The following CNTNAP4 variants were observed in gnomAD, a reference collection of about 807,000 sequenced individuals.
CNTNAP4 encodes the protein contactin associated protein family member 4, also known as contactin-associated protein-like 4.
In CNTNAP4, 98 loss-of-function variants were observed where a neutral mutation model predicts 148.4. The ratio of observed to expected loss-of-function variants is 0.66; its 90% CI spans 0.56 to 0.78. The LOEUF is 0.78. Among genes scored for constraint, CNTNAP4 ranks in the 30% least tolerant of loss-of-function variants. The probability of loss-of-function intolerance (pLI) is 0.00; values close to 1 mark genes in which losing one functional copy is unlikely to be tolerated. For missense variants in CNTNAP4, 1,935 were observed against 1,565.6 expected, an observed-to-expected ratio of 1.24 and a Z score of -3.98; for synonymous variants, 730 against 565.1, an observed-to-expected ratio of 1.29 and a Z score of -4.14.
At chr16:76,376,891 A>G (rs1301264393) in intron 3 of CNTNAP4, among the ~76,000 whole-genome samples, 2 of 151,058 alleles carry the variant, frequency 1.3e-5, no homozygotes, top group Non-Finnish European at 2.9e-5. Context: ...CTCCAGAGAA[A>G]CAAAACTAAC....
At chr16:76,433,192 A>C (rs1445855920) in intron 4 of CNTNAP4, among the ~76,000 whole-genome samples, 2 of 152,108 alleles carry the variant, frequency 1.3e-5, no homozygotes, top group Non-Finnish European at 2.9e-5. Context: ...ACAATGAAGA[A>C]TGAATGAATG....
intron 17 of CNTNAP4, among the ~76,000 whole-genome samples, chr16:76,528,771 T>G (rs1212725127): frequency 6.6e-6 from 1 of 152,130 alleles, no homozygotes; most frequent in Non-Finnish European, 1.5e-5. Context: ...AGAAAGCACT[T>G]TTAAAAAATG....
chr16:76,396,500 A>C (rs2078211716), intron 3 of CNTNAP4, among the ~76,000 whole-genome samples: 1 of 152,220 alleles, frequency 6.6e-6, no homozygotes, highest in Non-Finnish European at 1.5e-5. Context: ...ATGTCCAGTC[A>C]CTTTGCTGGT....
At chr16:76,522,687 CTTTCTTTTCT>C (rs71378619) in intron 17 of CNTNAP4, among the ~76,000 whole-genome samples, 1,340 of 29,710 alleles carry the variant, frequency 0.045, 45 homozygotes, top group African/African-American at 0.062. Flanking sequence ...TCTTTCTCTC[CTTTCTTTTCT>C]TTTCTTTTCT....
At chr16:76,393,953 CTG>C (rs2078112665) in intron 3 of CNTNAP4, among the ~76,000 whole-genome samples, 1 of 152,212 alleles carries the variant, frequency 6.6e-6, no homozygotes, top group Non-Finnish European at 1.5e-5. Context: ...CTCTATTAGA[CTG>C]TGAACGCTTT....
intron 8 of CNTNAP4, 146 bp downstream of exon 8, chr16:76,452,915 G>T: frequency 1.3e-6 from 1 of 745,818 alleles, no homozygotes; most frequent in Non-Finnish European, 2.0e-6. Context: ...CTCTTCCTTA[G>T]AGGAACTTGA....
intron 3 of CNTNAP4, among the ~76,000 whole-genome samples, chr16:76,399,887 A>T (rs1200521707): frequency 6.6e-6 from 1 of 152,178 alleles, no homozygotes; most frequent in Non-Finnish European, 1.5e-5. Flanking sequence ...AAGTCATTTT[A>T]ATTGCTTCAT....
intron 1 of CNTNAP4, among the ~76,000 whole-genome samples, chr16:76,279,098 A>T (rs963602614): frequency 6.6e-6 from 1 of 152,226 alleles, no homozygotes; most frequent in African/African-American, 2.4e-5. Context: ...ACATTGCATC[A>T]TACAAGCAAA....
chr16:76,473,645 G>T (rs536156220), intron 10 of CNTNAP4, among the ~76,000 whole-genome samples: 35 of 152,164 alleles, frequency 2.3e-4, no homozygotes, highest in African/African-American at 7.9e-4. Flanking sequence ...GTGGTGGCAG[G>T]CACCTGTAGT....
chr16:76,487,687 G>A (rs1300718057), intron 12 of CNTNAP4, among the ~76,000 whole-genome samples: 1 of 152,196 alleles, frequency 6.6e-6, no homozygotes, highest in Non-Finnish European at 1.5e-5. Context: ...CCTGATAAGT[G>A]TGGCGTCTGT....
chr16:76,448,348 A>G (rs767977120), intron 5 of CNTNAP4, 133 bp downstream of exon 5: 9 of 634,502 alleles, frequency 1.4e-5, no homozygotes, highest in African/African-American at 3.7e-5. Context: ...ACATATGTCA[A>G]TATTGCTCTT....
rs116380908 is a variant in CNTNAP4, at chr16:76,323,825, G to A, written c.196+7302G>A. ...CTGATGGTGTCATCCGTGGGAATGCGCCAAGTAGCTAATCCTAAGTAATGT... is the reference window on the plus strand; with the variant it reads ...CTGATGGTGTCATCCGTGGGAATGCACCAAGTAGCTAATCCTAAGTAATGT... On this transcript the variant is annotated intron_variant, in intron 2 of 23. Transcript: ENST00000611870. 6.6e-3 allele frequency among the ~76,000 whole-genome samples: 1,000 copies of A among 152,186 alleles called. 17 individuals are homozygous for A. The highest frequency in any genetic ancestry group is 0.022 in the African/African-American group (921 of 41,496).
At chr16:76,521,426 C>G (rs2083449069) in intron 16 of CNTNAP4, 116 bp downstream of exon 16, 1 of 804,456 alleles carries the variant, frequency 1.2e-6, no homozygotes, top group Non-Finnish European at 1.8e-6. Context: ...TTCATTGCGC[C>G]CCTTTGAAAA....
chr16:76,431,986 A>G lies in CNTNAP4; in HGVS notation c.538+4387A>G, dbSNP rs988303013. Among the ~76,000 whole-genome samples the G allele has an allele frequency of 1.5e-4, 23 of 152,264 alleles. 1 individual carries two copies. The highest frequency in any genetic ancestry group is 5.5e-4 in the African/African-American group (23 of 41,570). ...GAACTCCAAGCCCTCTGAGTTGAAG[A>G]CGTAGAATTAAAACCTATATAAATA... On this transcript the variant is annotated intron_variant, in intron 4 of 23. Transcript: ENST00000611870.
At chr16:76,397,745 T>G (rs891055206) in intron 3 of CNTNAP4, among the ~76,000 whole-genome samples, 2 of 151,280 alleles carry the variant, frequency 1.3e-5, no homozygotes, top group Non-Finnish European at 2.9e-5. Flanking sequence ...ATTTCATGAA[T>G]AAAATTTCAT....
intron 9 of CNTNAP4, among the ~76,000 whole-genome samples, chr16:76,464,244 C>A (rs1422327823): frequency 1.3e-5 from 2 of 152,128 alleles, no homozygotes; most frequent in Non-Finnish European, 2.9e-5. Context: ...GGAAAGGGTT[C>A]TAAGTGGACA....
At chr16:76,341,189 A>T (rs191339986) in intron 2 of CNTNAP4, among the ~76,000 whole-genome samples, 5 of 152,124 alleles carry the variant, frequency 3.3e-5, no homozygotes, top group African/African-American at 1.2e-4. Flanking sequence ...ATCTTCCTCA[A>T]CTTTTTCATT....
chr16:76,479,672 G>A (rs2081740920), intron 12 of CNTNAP4, 134 bp downstream of exon 12: 1 of 846,346 alleles, frequency 1.2e-6, no homozygotes. Flanking sequence ...TAGAAAAACT[G>A]AACATAAATC....
chr16:76,535,507 C>T (rs1375890021), intron 17 of CNTNAP4, 38 bp from the exon 18 acceptor site: 1 of 1,606,918 alleles, frequency 6.2e-7, no homozygotes. Flanking sequence ...AATAAAACAC[C>T]TAGGAACATG....
Sources: allele counts gnomAD v4.1 joint callset (sites outside exome capture counted in the v4.1 genomes callset), GRCh38; gene constraint gnomAD v4.1.1; transcripts MANE v1.5; gene names NCBI Gene and HGNC (gene_info 2026-07-23, HGNC 2026-07-21).